RTEL1: variants seen among roughly 807,000 people sequenced by gnomAD.
RTEL1 encodes the protein regulator of telomere length.
A neutral mutation model predicts 162.2 loss-of-function variants in RTEL1; 86 were observed. That is an observed-to-expected ratio of 0.53 (90% confidence interval 0.45 to 0.63). The LOEUF (loss-of-function observed/expected upper bound fraction) is 0.63, where lower values mean the gene tolerates loss of function less well. Ranked by LOEUF, RTEL1 falls within the 30% of genes least tolerant of loss-of-function variation. The pLI is 0.00. For missense variants in RTEL1, 1,941 were observed against 1,750.2 expected (o/e 1.11, Z -1.95); for synonymous variants, 958 against 717.9 (o/e 1.33, Z -5.35).
chr20:63,689,270 T>C, intron 22 of RTEL1, 138 bp downstream of exon 22: 1 of 933,778 alleles, frequency 1.1e-6, no homozygotes, highest in East Asian at 2.6e-5. Flanking sequence ...CTGGCCCTGC[T>C]GGGAGCGTGT....
intron 16 of RTEL1, chr20:63,687,415 C>T: frequency 1.8e-6 from 1 of 553,016 alleles, no homozygotes; most frequent in Non-Finnish European, 3.2e-6. Context: ...GGTCTGCCTC[C>T]TACTCCCAGG....
chr20:63,667,200 T>C (rs2090153607), intron 7 of RTEL1, among the ~76,000 whole-genome samples: 1 of 152,076 alleles, frequency 6.6e-6, no homozygotes, highest in Non-Finnish European at 1.5e-5. Flanking sequence ...ATAGGGTTGG[T>C]TTTACTTTTC....
intron 16 of RTEL1, 121 bp from the exon 17 acceptor site, chr20:63,687,517 C>G: frequency 8.6e-7 from 1 of 1,161,504 alleles, no homozygotes; most frequent in Non-Finnish European, 1.2e-6. Flanking sequence ...GCCTGGGTGG[C>G]TGCCCGCGGC....
chr20:63,662,358 T>A, intron 4 of RTEL1, 188 bp from the exon 5 acceptor site: 1 of 1,174,174 alleles, frequency 8.5e-7, no homozygotes, highest in South Asian at 1.3e-5. Context: ...AGCTGTCGAA[T>A]CTCCTCCCTC....
At chr20:63,658,516 G>C (rs1485866505) in intron 1 of RTEL1, 50 bp downstream of exon 1, 1 of 152,322 alleles carries the variant, frequency 6.6e-6, no homozygotes, top group Non-Finnish European at 1.5e-5. Context: ...GCGGCTCGTA[G>C]GCGCGTTGCG....
At position 63,660,064 on chromosome 20, in the gene RTEL1, A is replaced by G. The variant is rs982003073; in HGVS notation, c.102+560A>G. 3.3e-4 allele frequency among the ~76,000 whole-genome samples: 50 copies of G among 150,242 alleles called. 1 individual carries two copies. Among genetic ancestry groups the G allele is most frequent in the Non-Finnish European group, 1.0e-4 (7 of 67,234 alleles). Reference sequence around the variant, plus strand: ...AAACATCTCGGTGGAGTAAAGAGTAACAGAGCAGCATTGCTGCCAATATGT... The same window carrying G: ...AAACATCTCGGTGGAGTAAAGAGTAGCAGAGCAGCATTGCTGCCAATATGT... On this transcript the variant is annotated intron_variant, in intron 2 of 34. Transcript: ENST00000360203.
intron 23 of RTEL1, 27 bp downstream of exon 23, chr20:63,689,675 G>T (rs747775139): frequency 4.4e-6 from 7 of 1,607,494 alleles, no homozygotes; most frequent in Non-Finnish European, 5.9e-6. Context: ...TGGGGCTGGG[G>T]TAAGGCGGTC....
Position 63,693,498 on chromosome 20 carries a change from TCCACCACCACCTCCTCCACCA to T in RTEL1, c.2992+224_2992+244del, listed in dbSNP as rs1601187683. Reference sequence around the variant, plus strand: ...CTCCACCTCCACCACCACCTCCACCTCCACCACCACCTCCTCCACCACCACCACCTCCACCACCACCACCAC... The same window carrying T: ...CTCCACCTCCACCACCACCTCCACCTCCACCACCTCCACCACCACCACCAC... On this transcript the variant is annotated intron_variant, in intron 30 of 34. Transcript: ENST00000360203. 2.7e-3 allele frequency among the ~76,000 whole-genome samples: 12 copies of T among 4,394 alleles called. 1 individual carries two copies. Among genetic ancestry groups the T allele is most frequent in the African/African-American group, 8.9e-3 (6 of 674 alleles). 2.9% of individuals were successfully genotyped at this position (4,394 alleles called of 152,430 possible).
intron 7 of RTEL1, among the ~76,000 whole-genome samples, chr20:63,666,284 C>T (rs1354971229): frequency 6.6e-6 from 1 of 152,282 alleles, no homozygotes; most frequent in East Asian, 1.9e-4. Context: ...CCTCAGCCAT[C>T]CCCGGTGGCC....
rs1601166071 is a variant in RTEL1, at chr20:63,688,752, C to A, written c.1800+147C>A. 7 of 711,564 alleles carry A rather than the reference C, an allele frequency of 9.8e-6. No homozygotes were observed. In the East Asian group the frequency reaches 1.9e-4, roughly 19 times the overall value. The allele number at this position is 711,564 out of a possible 1,614,324, so 44.1% of individuals were successfully genotyped here. The stretch of plus-strand genomic sequence containing the variant: ...AGGGCTCCTGCGTTTCCTTCCTGGC[C>A]CTGAGTGTTGCCTCTTATCTTACAA... On this transcript the variant is annotated intron_variant, in intron 21 of 34. Transcript: ENST00000360203.
intron 15 of RTEL1, 71 bp downstream of exon 15, chr20:63,685,668 C>T: frequency 6.3e-7 from 1 of 1,588,712 alleles, no homozygotes. Flanking sequence ...GCCTTACAGT[C>T]CTATAAGGTG....
intron 14 of RTEL1, chr20:63,682,742 G>A (rs905379226): frequency 1.1e-4 from 104 of 943,604 alleles, no homozygotes; most frequent in Middle Eastern, 5.3e-4. Context: ...AGTGGGGCCA[G>A]TGGCCCCAGG....
In RTEL1 at chr20:63,688,695, C is replaced by T. The variant is rs1021281082; in HGVS notation, c.1800+90C>T. On this transcript the variant is annotated intron_variant, in intron 21 of 34. Coordinates refer to ENST00000360203, the MANE Select transcript of RTEL1 (RefSeq NM_001283009.2). ...CCCCAAGGCTGACCACTGGCCCTGA[C>T]CATGGGCTCCGGCGGCTCCCGCTGC... The T allele has an allele frequency of 5.6e-6, 7 of 1,242,498 alleles. No individual in the cohort carries two copies. The African/African-American group carries it at 6.0e-5, about 11-fold the overall frequency. 77.0% of individuals were successfully genotyped at this position (1,242,498 alleles called of 1,614,324 possible).
intron 12 of RTEL1, among the ~76,000 whole-genome samples, chr20:63,679,637 C>T (rs1318971697): frequency 6.6e-6 from 1 of 152,154 alleles, no homozygotes; most frequent in African/African-American, 2.4e-5. Flanking sequence ...AATTTGTTTC[C>T]GAGGGAAGGA....
chr20:63,695,658 C>T lies in RTEL1; in HGVS notation c.3822+8C>T, dbSNP rs373109673. 539 of 1,610,896 alleles carry T rather than the reference C, an allele frequency of 3.3e-4. No homozygotes were observed. Among genetic ancestry groups the T allele is most frequent in the Non-Finnish European group, 4.4e-4 (522 of 1,179,758 alleles). On this transcript the variant is annotated splice_region_variant and intron_variant, in intron 34 of 34. Transcript: ENST00000360203. ...TGGCAACGGCACCTTCAGGTTGGTGCCTGGCCACTACAGTTCCTGCTGGGT... is the reference window on the plus strand; with the variant it reads ...TGGCAACGGCACCTTCAGGTTGGTGTCTGGCCACTACAGTTCCTGCTGGGT...
At position 63,690,427 on chromosome 20, in the gene RTEL1, A is replaced by C; in HGVS notation, c.2399A>C (p.Lys800Thr). The change falls in exon 26 of 35, where the codon AAG becomes ACG. Residue 800 changes from lysine (K) to threonine (T), a missense_variant. Physicochemically the swap from Lys to Thr is moderately conservative, Grantham distance 78. Transcript: ENST00000360203. ...CTGGACCTGCATGTCCCCAGCCTGA[A>C]GCAGAGGTCCTCAGGTGCGGACGGG... Reference protein sequence around the residue: ...KSLDLHVPSLKQRSSGSPAAG... With the variant: ...KSLDLHVPSLTQRSSGSPAAG... 1 of 1,526,106 alleles carries C rather than the reference A, an allele frequency of 6.6e-7. No individual in the cohort carries two copies. 94.5% of individuals were successfully genotyped at this position (1,526,106 alleles called of 1,614,324 possible). A position where few individuals can be genotyped will look rare whatever the true frequency, so the allele number is the denominator to read the frequency against.
At chr20:63,680,633 G>A in intron 13 of RTEL1, 31 bp from the exon 14 acceptor site, 1 of 1,611,908 alleles carries the variant, frequency 6.2e-7, no homozygotes, top group Non-Finnish European at 8.5e-7. Context: ...CCTGCCTGCA[G>A]TGTGGGTGTC....
At chr20:63,690,495 T>TGGGGGGGGGGGGGGGGGGGGGGGGG in intron 26 of RTEL1, 54 bp downstream of exon 26, 11 of 594,906 alleles carry the variant, frequency 1.8e-5, no homozygotes, top group African/African-American at 2.0e-5. Context: ...GCGGGCGGCG[T>TGGGGGGGGGGGGGGGGGGGGGGGGG]GGGGCGGGCA....
chr20:63,674,963 A>C (rs2090319707), intron 10 of RTEL1, among the ~76,000 whole-genome samples: 1 of 151,484 alleles, frequency 6.6e-6, no homozygotes, highest in Admixed American at 6.6e-5. Context: ...GCTGGAGTGC[A>C]ATGGCGCGAT....
Sources: allele counts gnomAD v4.1 joint callset (sites outside exome capture counted in the v4.1 genomes callset), GRCh38; gene constraint gnomAD v4.1.1; transcripts MANE v1.5; gene names NCBI Gene and HGNC (gene_info 2026-07-23, HGNC 2026-07-21).